ESRRG: variants seen among roughly 807,000 people sequenced by gnomAD.
ESRRG encodes estrogen related receptor gamma.
In ESRRG, 13 loss-of-function variants were observed where a neutral mutation model predicts 44.0. The observed-to-expected ratio is 0.30, with a 90% CI of 0.19 to 0.47. The LOEUF (loss-of-function observed/expected upper bound fraction) is 0.47, where lower values mean the gene tolerates loss of function less well. Among genes scored for constraint, ESRRG ranks in the 20% least tolerant of loss-of-function variants. The pLI, the probability that ESRRG is intolerant of heterozygous loss-of-function variation, is 1.00. For synonymous variants in ESRRG, 215 were observed against 214.6 expected (o/e 1.00, Z -0.02); for missense variants, 395 against 580.6 (o/e 0.68, Z 3.29).
At chr1:216,658,887 AG>A (rs1352006140) in intron 2 of ESRRG, among the ~76,000 whole-genome samples, 1 of 147,880 alleles carries the variant, frequency 6.8e-6, no homozygotes, top group Non-Finnish European at 1.5e-5. Context: ...AGAGAAGAGA[AG>A]AGAAGAGAAG....
intron 1 of ESRRG, among the ~76,000 whole-genome samples, chr1:217,128,500 T>C (rs957364622): frequency 1.3e-5 from 2 of 152,214 alleles, no homozygotes; most frequent in African/African-American, 4.8e-5. Flanking sequence ...TTGATTTTCC[T>C]GGTTATTGTT....
At position 216,803,205 on chromosome 1, in the gene ESRRG, T is replaced by G. The variant is rs1461567065; in HGVS notation, c.-13-125714A>C. Among the ~76,000 whole-genome samples the G allele has an allele frequency of 2.6e-5, 4 of 152,112 alleles. 1 individual carries two copies. Among genetic ancestry groups the G allele is most frequent in the African/African-American group, 4.8e-5 (2 of 41,434 alleles). On this transcript the variant is annotated intron_variant, in intron 2 of 7. Transcript: ENST00000359162. ...CTGGCACACTCAGAAATGTCCCTTT[T>G]CAATACAGACACAGTTCTAAGGATA...
At chr1:216,714,721 A>G (rs1041582535) in intron 1 of ESRRG, 1 of 172,046 alleles carries the variant, frequency 5.8e-6, no homozygotes, top group Non-Finnish European at 1.2e-5. Flanking sequence ...AACCAACTGA[A>G]TAGTTCAATA....
At chr1:216,832,240 G>T (rs1238747466) in intron 2 of ESRRG, among the ~76,000 whole-genome samples, 3 of 152,124 alleles carry the variant, frequency 2.0e-5, no homozygotes, top group Admixed American at 6.5e-5. Flanking sequence ...GCAACAGCAG[G>T]TATTTTAGCA....
chr1:216,708,300 A>G (rs2082844151), intron 1 of ESRRG, among the ~76,000 whole-genome samples: 1 of 152,190 alleles, frequency 6.6e-6, no homozygotes, highest in South Asian at 2.1e-4. Context: ...AGATAATAAA[A>G]GTAATATATA....
intron 2 of ESRRG, among the ~76,000 whole-genome samples, chr1:216,734,129 G>T (rs1449504585): frequency 2.0e-5 from 3 of 152,056 alleles, no homozygotes; most frequent in African/African-American, 7.2e-5. Context: ...TTGTGTCAAG[G>T]TAGATTGTCC....
At chr1:216,930,954 C>T (rs551106646) in intron 2 of ESRRG, among the ~76,000 whole-genome samples, 1 of 152,302 alleles carries the variant, frequency 6.6e-6, no homozygotes, top group Admixed American at 6.5e-5. Context: ...TGGGATAATG[C>T]TGTGGAGAGC....
chr1:216,547,090 G>T (rs1266106920), intron 5 of ESRRG, among the ~76,000 whole-genome samples: 1 of 151,960 alleles, frequency 6.6e-6, no homozygotes, highest in African/African-American at 2.4e-5. Context: ...GAGATCTCAG[G>T]CAAGTTGTTT....
chr1:216,668,579 G>T (rs966727579), intron 2 of ESRRG, among the ~76,000 whole-genome samples: 1 of 152,076 alleles, frequency 6.6e-6, no homozygotes, highest in African/African-American at 2.4e-5. Context: ...CTTGATCAAA[G>T]ATCAACCATG....
chr1:217,086,550 T>C (rs899610428), intron 1 of ESRRG, among the ~76,000 whole-genome samples: 1 of 152,196 alleles, frequency 6.6e-6, no homozygotes, highest in Non-Finnish European at 1.5e-5. Context: ...TTGAAAAGTA[T>C]AATGACTTAA....
intron 2 of ESRRG, among the ~76,000 whole-genome samples, chr1:216,937,761 A>C (rs2064396262): frequency 6.6e-6 from 1 of 152,200 alleles, no homozygotes; most frequent in Non-Finnish European, 1.5e-5. Context: ...CAGGGGAAAG[A>C]GCATCGCTGG....
At chr1:216,998,813 A>T (rs1232431634) in intron 1 of ESRRG, among the ~76,000 whole-genome samples, 1 of 152,280 alleles carries the variant, frequency 6.6e-6, no homozygotes, top group Non-Finnish European at 1.5e-5. Flanking sequence ...ACAAATTTAT[A>T]CAATTTATAA....
At chr1:216,588,154 A>G (rs1425952308) in intron 3 of ESRRG, among the ~76,000 whole-genome samples, 3 of 152,222 alleles carry the variant, frequency 2.0e-5, no homozygotes, top group African/African-American at 7.2e-5. Context: ...AGTGAAGTAT[A>G]CCTGTGACTT....
chr1:216,873,814 T>C (rs1214465923), intron 2 of ESRRG, among the ~76,000 whole-genome samples: 1 of 146,926 alleles, frequency 6.8e-6, no homozygotes, highest in Non-Finnish European at 1.5e-5. Context: ...GTTGCCATCA[T>C]TGTTAGCACT....
chr1:216,584,339 C>T (rs1424649312), intron 3 of ESRRG, among the ~76,000 whole-genome samples: 1 of 151,104 alleles, frequency 6.6e-6, no homozygotes, highest in East Asian at 2.0e-4. Flanking sequence ...TCACTGCAGG[C>T]TCTGCCCGCC....
chr1:216,603,129 A>G (rs2059463301), intron 3 of ESRRG, among the ~76,000 whole-genome samples: 1 of 152,228 alleles, frequency 6.6e-6, no homozygotes, highest in Admixed American at 6.5e-5. Flanking sequence ...GATATTACAA[A>G]AAATCCCATT....
chr1:217,017,862 C>T (rs943233698), intron 1 of ESRRG, among the ~76,000 whole-genome samples: 8 of 152,114 alleles, frequency 5.3e-5, no homozygotes, highest in Non-Finnish European at 1.0e-4. Flanking sequence ...TTGCATAACC[C>T]CTTAGCAGGG....
At chr1:216,562,637 A>G (rs140006835) in intron 5 of ESRRG, among the ~76,000 whole-genome samples, 1,882 of 152,228 alleles carry the variant, frequency 0.012, 31 homozygotes, top group Non-Finnish European at 0.016. Flanking sequence ...GAACAAGGGC[A>G]GCCCCTCATG....
intron 1 of ESRRG, among the ~76,000 whole-genome samples, chr1:217,065,432 G>A (rs2089467309): frequency 6.6e-6 from 1 of 152,234 alleles, no homozygotes; most frequent in Non-Finnish European, 1.5e-5. Flanking sequence ...AATCTCCCAT[G>A]AGGCTTGCTT....
Sources: gnomAD v4.1 joint callset for allele counts (sites outside exome capture counted in the v4.1 genomes callset) on GRCh38, gnomAD v4.1.1 for gene constraint, MANE v1.5 for transcripts, NCBI Gene and HGNC (gene_info 2026-07-23, HGNC 2026-07-21) for gene names.